RABGAP1: variants seen among roughly 807,000 people sequenced by gnomAD.
RABGAP1 encodes the protein rab GTPase-activating protein 1.
A neutral mutation model predicts 137.6 loss-of-function variants in RABGAP1; 23 were observed. The observed-to-expected ratio is 0.17, with a 90% CI of 0.12 to 0.24. The LOEUF is 0.24. Ranked by LOEUF, RABGAP1 falls within the 10% of genes least tolerant of loss-of-function variation. RABGAP1 has a pLI of 1.00. For synonymous variants in RABGAP1, 451 were observed against 450.7 expected (o/e 1.00, Z -0.01); for missense variants, 906 against 1,275.8 (o/e 0.71, Z 4.42).
chr9:122,952,461 G>T (rs1412273881), intron 1 of RABGAP1, among the ~76,000 whole-genome samples: 2 of 151,806 alleles, frequency 1.3e-5, no homozygotes, highest in East Asian at 3.9e-4. Context: ...GTAGAGACGG[G>T]GTTTCACCGT....
intron 10 of RABGAP1, 31 bp from the exon 11 acceptor site, chr9:123,010,323 G>T: frequency 1.3e-6 from 2 of 1,558,656 alleles, no homozygotes; most frequent in East Asian, 4.5e-5. Context: ...GAACTTTACT[G>T]CTTAATAAAT....
intron 21 of RABGAP1, among the ~76,000 whole-genome samples, chr9:123,094,571 T>A (rs1012613677): frequency 6.6e-6 from 1 of 152,202 alleles, no homozygotes. Context: ...TTAATTCTTA[T>A]TAAATATTTA....
In RABGAP1 at chr9:123,055,129, C is replaced by T. The variant is rs141291167; in HGVS notation, c.1795-10219C>T. 5.8e-4 allele frequency among the ~76,000 whole-genome samples: 88 copies of T among 152,224 alleles called. 1 individual carries two copies. The East Asian group carries it at 0.016, about 27-fold the overall frequency. ...ATTCTTCTGCATGGAGGATTTGTCT[C>T]TTCTCCTCCATTTATTTATTCAATC... On this transcript the variant is annotated intron_variant, in intron 13 of 25. Coordinates refer to ENST00000373647, the MANE Select transcript of RABGAP1 (RefSeq NM_012197.4).
chr9:122,979,422 G>A (rs10985847), intron 2 of RABGAP1, among the ~76,000 whole-genome samples: 5,808 of 152,146 alleles, frequency 0.038, 154 homozygotes, highest in South Asian at 0.08. Flanking sequence ...CTCCAGGTCT[G>A]GCTTATCTTT....
chr9:122,966,890 A>G (rs1039649842), intron 2 of RABGAP1, among the ~76,000 whole-genome samples: 1 of 152,230 alleles, frequency 6.6e-6, no homozygotes, highest in Non-Finnish European at 1.5e-5. Flanking sequence ...GAGATTGTGC[A>G]GGAAAACTCT....
At chr9:123,074,643 C>T (rs1228788564) in intron 17 of RABGAP1, among the ~76,000 whole-genome samples, 1 of 152,192 alleles carries the variant, frequency 6.6e-6, no homozygotes, top group African/African-American at 2.4e-5. Flanking sequence ...CTGAATTAGA[C>T]ATTTGTATTA....
At chr9:122,948,976 G>C (rs571935550) in intron 1 of RABGAP1, among the ~76,000 whole-genome samples, 2 of 152,242 alleles carry the variant, frequency 1.3e-5, no homozygotes, top group Admixed American at 6.5e-5. Context: ...TCCACAAGTA[G>C]TTTGGGGGAC....
intron 3 of RABGAP1, 141 bp from the exon 4 acceptor site, chr9:122,986,074 A>G (rs1210274405): frequency 7.0e-5 from 51 of 727,766 alleles, no homozygotes; most frequent in Non-Finnish European, 1.0e-4. Flanking sequence ...TTTCATGGGC[A>G]TTTCTTTTAG....
intron 1 of RABGAP1, among the ~76,000 whole-genome samples, chr9:122,944,850 T>A (rs1167618997): frequency 4.6e-5 from 7 of 152,024 alleles, no homozygotes; most frequent in Non-Finnish European, 1.0e-4. Context: ...ATGATAGGAT[T>A]ACAAGAGAAA....
At chr9:123,063,483 A>G (rs2034056321) in intron 13 of RABGAP1, among the ~76,000 whole-genome samples, 1 of 152,218 alleles carries the variant, frequency 6.6e-6, no homozygotes, top group Non-Finnish European at 1.5e-5. Context: ...AGAAACCACC[A>G]AACTGTTTAC....
In RABGAP1 at chr9:122,996,527, CT is replaced by C; in HGVS notation, c.1035-5del. The C allele has an allele frequency of 2.5e-6, 4 of 1,594,434 alleles. No individual in the cohort carries two copies. Among genetic ancestry groups the C allele is most frequent in the South Asian group, 1.2e-5 (1 of 86,652 alleles). On this transcript the variant is annotated splice_polypyrimidine_tract_variant and intron_variant, in intron 7 of 25. Coordinates refer to ENST00000373647, the MANE Select transcript of RABGAP1 (RefSeq NM_012197.4). ...CTTTTTTCTTAAATTTATGTCAGTT[CT>C]TTTTTTGTAGGTGTTTTGGTCTTCT...
At chr9:123,020,904 A>C (rs2031586802) in intron 13 of RABGAP1, 1 of 910,226 alleles carries the variant, frequency 1.1e-6, no homozygotes, top group Non-Finnish European at 1.3e-6. Context: ...ATTCCTCTAA[A>C]GTGAAAAAAA....
intron 13 of RABGAP1, chr9:123,034,455 C>G (rs1447677104): frequency 1.4e-6 from 1 of 697,506 alleles, no homozygotes; most frequent in African/African-American, 1.8e-5. Flanking sequence ...TAAGGCTCCT[C>G]TGGCATTATT....
At position 123,093,753 on chromosome 9, in the gene RABGAP1, G is replaced by C. The variant is rs1029404822; in HGVS notation, c.2628+3368G>C. On this transcript the variant is annotated intron_variant, in intron 21 of 25. Transcript: ENST00000373647. ...TAAAATCAGTTCATGTGAGTTCTCT[G>C]ACTTTGTTGTTCTTTGCATTTCTGT... 2.6e-5 allele frequency among the ~76,000 whole-genome samples: 4 copies of C among 152,232 alleles called. 1 individual carries two copies. The South Asian group carries it at 8.3e-4, about 32-fold the overall frequency.
chr9:123,049,196 G>A (rs1378782264), intron 13 of RABGAP1, among the ~76,000 whole-genome samples: 1 of 152,114 alleles, frequency 6.6e-6, no homozygotes, highest in East Asian at 1.9e-4. Context: ...ATATGTTAAA[G>A]GAGCTTATTT....
chr9:122,933,290 A>G, the RABGAP1 span, among the ~76,000 whole-genome samples: 1 of 151,892 alleles, frequency 6.6e-6, no homozygotes, highest in South Asian at 2.1e-4. Flanking sequence ...TAATTTTTAT[A>G]TAATCTTGTT....
intron 12 of RABGAP1, among the ~76,000 whole-genome samples, chr9:123,019,450 G>A (rs78764240): frequency 0.016 from 2,418 of 151,738 alleles, 36 homozygotes; most frequent in South Asian, 0.066. Context: ...AGCCTCCCAA[G>A]TAGCTAGGAA....
chr9:123,040,420 G>T (rs1193813056), intron 13 of RABGAP1, among the ~76,000 whole-genome samples: 1 of 152,186 alleles, frequency 6.6e-6, no homozygotes, highest in Non-Finnish European at 1.5e-5. Flanking sequence ...ACATGGTTCT[G>T]TAATGTGAAC....
intron 19 of RABGAP1, among the ~76,000 whole-genome samples, chr9:123,080,930 A>AAGTTAT (rs1188494721): frequency 4.6e-5 from 7 of 152,044 alleles, no homozygotes; most frequent in African/African-American, 1.7e-4. Context: ...TTTTCAATAA[A>AAGTTAT]AGTTATACCA....
Sources: allele counts gnomAD v4.1 joint callset (sites outside exome capture counted in the v4.1 genomes callset), GRCh38; gene constraint gnomAD v4.1.1; transcripts MANE v1.5; gene names NCBI Gene and HGNC (gene_info 2026-07-23, HGNC 2026-07-21).